Variants in LOXL2 observed in about 807,000 individuals in gnomAD.
The protein encoded by LOXL2 is lysyl oxidase like 2, also known as lysyl oxidase homolog 2.
A neutral mutation model predicts 93.0 loss-of-function variants in LOXL2; 70 were observed. The observed-to-expected ratio is 0.75, with a 90% CI of 0.62 to 0.92. The LOEUF (loss-of-function observed/expected upper bound fraction) is 0.92, where lower values mean the gene tolerates loss of function less well. Ranked by LOEUF, LOXL2 falls within the 40% of genes least tolerant of loss-of-function variation. The pLI is 0.00. For missense variants in LOXL2, 973 were observed against 1,054.9 expected, an observed-to-expected ratio of 0.92 and a Z score of 1.08; for synonymous variants, 438 against 413.2, an observed-to-expected ratio of 1.06 and a Z score of -0.73.
chr8:23,395,149 G>A (rs1331432503), intron 1 of LOXL2, among the ~76,000 whole-genome samples: 2 of 152,134 alleles, frequency 1.3e-5, no homozygotes, highest in Non-Finnish European at 2.9e-5. Context: ...AGCTACTTGG[G>A]AGGATGAGGC....
At chr8:23,308,484 C>G (rs1012881490) in intron 10 of LOXL2, among the ~76,000 whole-genome samples, 2 of 152,196 alleles carry the variant, frequency 1.3e-5, no homozygotes, top group African/African-American at 4.8e-5. Flanking sequence ...CCTGTAGCCC[C>G]TCGGGGGCTT....
chr8:23,389,781 G>C (rs1006563532), intron 1 of LOXL2, among the ~76,000 whole-genome samples: 2 of 152,130 alleles, frequency 1.3e-5, no homozygotes, highest in Non-Finnish European at 2.9e-5. Flanking sequence ...AGGCTTCAAT[G>C]GGACCCCACT....
At chr8:23,335,950 G>A (rs1422809928) in intron 4 of LOXL2, among the ~76,000 whole-genome samples, 2 of 152,194 alleles carry the variant, frequency 1.3e-5, no homozygotes. Flanking sequence ...CAAATTCAGG[G>A]TGCGTGCTCA....
chr8:23,344,318 C>T (rs1052467857), intron 3 of LOXL2, among the ~76,000 whole-genome samples: 5 of 152,166 alleles, frequency 3.3e-5, no homozygotes, highest in African/African-American at 1.2e-4. Context: ...CATTCTTCCA[C>T]CGACTCACTG....
At chr8:23,388,481 G>A (rs915699760) in intron 1 of LOXL2, among the ~76,000 whole-genome samples, 2 of 152,046 alleles carry the variant, frequency 1.3e-5, no homozygotes, top group Admixed American at 6.6e-5. Context: ...CTACTTGGGA[G>A]GCTGAGGCAA....
chr8:23,396,659 C>A (rs546992390), intron 1 of LOXL2, among the ~76,000 whole-genome samples: 1 of 152,348 alleles, frequency 6.6e-6, no homozygotes, highest in South Asian at 2.1e-4. Flanking sequence ...CTGACTCTTT[C>A]AAATCACAGA....
At chr8:23,390,953 G>A (rs1804834815) in intron 1 of LOXL2, among the ~76,000 whole-genome samples, 1 of 152,154 alleles carries the variant, frequency 6.6e-6, no homozygotes, top group Non-Finnish European at 1.5e-5. Context: ...AAGGTGAAAG[G>A]TGAAAGGTGA....
chr8:23,384,905 C>T (rs1241090386), intron 1 of LOXL2, among the ~76,000 whole-genome samples: 6 of 152,156 alleles, frequency 3.9e-5, no homozygotes, highest in South Asian at 2.1e-4. Flanking sequence ...AACTCCGTCT[C>T]AAGAAAACAA....
At position 23,379,334 on chromosome 8, in the gene LOXL2, C is replaced by T. The variant is rs984160079; in HGVS notation, c.-83-10900G>A. Among the ~76,000 whole-genome samples, 4 of 152,322 alleles carry T rather than the reference C, an allele frequency of 2.6e-5. No individual in the cohort carries two copies. In the East Asian group the frequency reaches 7.7e-4, roughly 29 times the overall value. On this transcript the variant is annotated intron_variant, in intron 1 of 13. Coordinates refer to ENST00000389131, the MANE Select transcript of LOXL2 (RefSeq NM_002318.3). ...AGGGGTACCCAGCCGTGTGAGGTGT[C>T]AATCTGCCCCTACTGGGGGGTGCCT...
At chr8:23,325,782 T>C (rs2117163523) in intron 6 of LOXL2, among the ~76,000 whole-genome samples, 1 of 152,328 alleles carries the variant, frequency 6.6e-6, no homozygotes, top group South Asian at 2.1e-4. Context: ...GCATGCAGCC[T>C]TGCAGGGACA....
chr8:23,388,639 ACAC>A (rs1804799254), intron 1 of LOXL2, among the ~76,000 whole-genome samples: 1 of 90,748 alleles, frequency 1.1e-5, no homozygotes, highest in Non-Finnish European at 2.6e-5. Flanking sequence ...ACACACACAC[ACAC>A]ACACACACAC....
intron 6 of LOXL2, among the ~76,000 whole-genome samples, chr8:23,327,095 A>C (rs1803591448): frequency 6.6e-6 from 1 of 152,216 alleles, no homozygotes; most frequent in Non-Finnish European, 1.5e-5. Flanking sequence ...AGTACTGTCC[A>C]TCATTTCAGG....
At chr8:23,398,568 G>T (rs1800122557) in intron 1 of LOXL2, among the ~76,000 whole-genome samples, 1 of 152,116 alleles carries the variant, frequency 6.6e-6, no homozygotes, top group Admixed American at 6.5e-5. Flanking sequence ...CACACTACTT[G>T]CCTGGTAATA....
chr8:23,317,303 C>T (rs142667936), intron 8 of LOXL2, among the ~76,000 whole-genome samples, 189 bp from the exon 9 acceptor site: 4 of 152,328 alleles, frequency 2.6e-5, no homozygotes, highest in Admixed American at 6.5e-5. Flanking sequence ...GAATCCAGGT[C>T]TCCTGAGTGT....
At chr8:23,382,719 C>T (rs1391088242) in intron 1 of LOXL2, among the ~76,000 whole-genome samples, 1 of 152,082 alleles carries the variant, frequency 6.6e-6, no homozygotes. Context: ...CTGCTCTGGT[C>T]AGTCTGTCTA....
chr8:23,382,885 T>C (rs1804700711), intron 1 of LOXL2, among the ~76,000 whole-genome samples: 1 of 152,150 alleles, frequency 6.6e-6, no homozygotes, highest in Non-Finnish European at 1.5e-5. Flanking sequence ...ACGTGCTGCA[T>C]CTGTTGGAGG....
rs1375159304 is a variant in LOXL2, at chr8:23,307,676, C to A, written c.1880+1992G>T. On this transcript the variant is annotated intron_variant, in intron 10 of 13. Coordinates refer to ENST00000389131, the MANE Select transcript of LOXL2 (RefSeq NM_002318.3). ...CTTATAGACCCATAGGCAGCGTCAG[C>A]CCCCGCCGCCCAGGGCTTCCACCCA... 2.6e-5 allele frequency among the ~76,000 whole-genome samples: 4 copies of A among 152,246 alleles called. No homozygotes were observed. The East Asian group carries it at 5.8e-4, about 22-fold the overall frequency.
chr8:23,397,879 T>C (rs897374526), intron 1 of LOXL2, among the ~76,000 whole-genome samples: 2 of 149,244 alleles, frequency 1.3e-5, no homozygotes, highest in African/African-American at 5.0e-5. Context: ...GAGAATCTCT[T>C]GAACCTGGAA....
In LOXL2 at chr8:23,351,097, C is replaced by G. The variant is rs117639570; in HGVS notation, c.531+8993G>C. On this transcript the variant is annotated intron_variant, in intron 3 of 13. Transcript: ENST00000389131. Reference sequence around the variant, plus strand: ...GTAAGCTCAGGATGGGCAAGACGGTCCGTTCCATCACTCCCTTTATCCTCA... The same window carrying G: ...GTAAGCTCAGGATGGGCAAGACGGTGCGTTCCATCACTCCCTTTATCCTCA... Among the ~76,000 whole-genome samples the G allele has an allele frequency of 1.3e-3, 198 of 152,296 alleles. 2 individuals are homozygous for G. The East Asian group carries it at 0.02, about 16-fold the overall frequency.
Sources: allele counts gnomAD v4.1 joint callset (sites outside exome capture counted in the v4.1 genomes callset), GRCh38; gene constraint gnomAD v4.1.1; transcripts MANE v1.5; gene names NCBI Gene and HGNC (gene_info 2026-07-23, HGNC 2026-07-21).